FAF1: variants seen among roughly 807,000 people sequenced by gnomAD.
The protein encoded by FAF1 is Fas associated factor 1.
In FAF1, 25 loss-of-function variants were observed where a neutral mutation model predicts 92.5. The observed-to-expected ratio is 0.27, with a 90% CI of 0.20 to 0.38. The LOEUF is 0.38. FAF1 is among the 10% of genes least tolerant of loss of function. FAF1 has a pLI of 1.00. For missense variants in FAF1, 636 were observed against 793.3 expected (o/e 0.80, Z 2.38); for synonymous variants, 234 against 273.2 (o/e 0.86, Z 1.42).
At chr1:50,444,594 C>T (rs1572745267) in intron 18 of FAF1, among the ~76,000 whole-genome samples, 1 of 152,328 alleles carries the variant, frequency 6.6e-6, no homozygotes, top group Non-Finnish European at 1.5e-5. Flanking sequence ...CTTCTCTTAT[C>T]TTTCTCCCTC....
chr1:50,861,354 G>C (rs1339245365), intron 1 of FAF1, among the ~76,000 whole-genome samples: 2 of 151,820 alleles, frequency 1.3e-5, no homozygotes, highest in Non-Finnish European at 2.9e-5. Context: ...AGGTAACTAG[G>C]ACTAGATGAG....
intron 1 of FAF1, among the ~76,000 whole-genome samples, chr1:50,897,092 T>A (rs965287386): frequency 1.3e-5 from 2 of 152,168 alleles, no homozygotes; most frequent in African/African-American, 4.8e-5. Context: ...TACATGGGTA[T>A]AAATCTAATA....
chr1:50,959,858 G>C lies in FAF1; in HGVS notation c.-47C>G. The C allele has an allele frequency of 3.4e-6, 5 of 1,462,810 alleles. No homozygotes were observed. The highest frequency in any genetic ancestry group is 4.6e-6 in the Non-Finnish European group (5 of 1,087,512). 90.6% of individuals were successfully genotyped at this position (1,462,810 alleles called of 1,614,324 possible). ...CTCCGGGAGCGAAGCGCGCACCTGG[G>C]AGGCAGACGGCACCTCCTGCGACCG... On this transcript the variant is annotated 5_prime_UTR_variant, in exon 1 of 19. Transcript: ENST00000396153.
At chr1:50,876,473 A>C (rs542657669) in intron 1 of FAF1, among the ~76,000 whole-genome samples, 1 of 152,342 alleles carries the variant, frequency 6.6e-6, no homozygotes, top group East Asian at 1.9e-4. Flanking sequence ...TCAAATGTAA[A>C]CACCACACAT....
In FAF1 at chr1:50,753,999, G is replaced by A. The variant is rs1354662436; in HGVS notation, c.368-9224C>T. Among the ~76,000 whole-genome samples the A allele has an allele frequency of 1.3e-4, 20 of 151,932 alleles. No individual in the cohort carries two copies. The South Asian group carries it at 3.7e-3, about 28-fold the overall frequency. ...TCTCGATCTCCTGATCTCGTGATACGCCCACCTTGGCCTCCCAAACTGCTG... is the reference window on the plus strand; with the variant it reads ...TCTCGATCTCCTGATCTCGTGATACACCCACCTTGGCCTCCCAAACTGCTG... On this transcript the variant is annotated intron_variant, in intron 4 of 18. Coordinates refer to ENST00000396153, the MANE Select transcript of FAF1 (RefSeq NM_007051.3).
At chr1:50,580,757 C>T (rs1650952995) in intron 12 of FAF1, among the ~76,000 whole-genome samples, 1 of 152,150 alleles carries the variant, frequency 6.6e-6, no homozygotes, top group Non-Finnish European at 1.5e-5. Flanking sequence ...AGAATACTTT[C>T]TCTTTGCTTT....
At chr1:50,819,008 C>T (rs1200893695) in intron 2 of FAF1, among the ~76,000 whole-genome samples, 1 of 152,116 alleles carries the variant, frequency 6.6e-6, no homozygotes. Flanking sequence ...TGACCCATCA[C>T]ATAAGGTCAA....
chr1:50,841,330 A>C (rs1350432090), intron 2 of FAF1, among the ~76,000 whole-genome samples: 1 of 152,036 alleles, frequency 6.6e-6, no homozygotes, highest in East Asian at 1.9e-4. Context: ...AAAGAGTTTA[A>C]GAAAAATTGG....
chr1:50,941,181 C>T (rs1426085232), intron 1 of FAF1, among the ~76,000 whole-genome samples: 9 of 151,872 alleles, frequency 5.9e-5, no homozygotes, highest in South Asian at 2.1e-4. Flanking sequence ...TACAGGTGCG[C>T]GCTGCCACGC....
At chr1:50,741,602 AAGAG>A (rs1254408480) in intron 5 of FAF1, among the ~76,000 whole-genome samples, 1 of 152,266 alleles carries the variant, frequency 6.6e-6, no homozygotes, top group Admixed American at 6.5e-5. Context: ...TGCTCCAGAC[AAGAG>A]ATGCTCATGG....
intron 4 of FAF1, among the ~76,000 whole-genome samples, chr1:50,758,171 G>A (rs1455564810): frequency 6.6e-6 from 1 of 152,150 alleles, no homozygotes; most frequent in Non-Finnish European, 1.5e-5. Context: ...ACCCACCTTG[G>A]CCTCCCAAAG....
intron 15 of FAF1, among the ~76,000 whole-genome samples, chr1:50,527,165 T>A (rs953841459): frequency 2.0e-5 from 3 of 152,146 alleles, no homozygotes; most frequent in Non-Finnish European, 4.4e-5. Context: ...CCCTGATGAC[T>A]TTTTTGATTC....
intron 1 of FAF1, among the ~76,000 whole-genome samples, chr1:50,910,298 G>C (rs775406736): frequency 1.3e-5 from 2 of 152,218 alleles, no homozygotes; most frequent in Non-Finnish European, 2.9e-5. Context: ...CCCCTACTGG[G>C]AGGTGTCTCC....
At chr1:50,693,302 T>A (rs1472189892) in intron 7 of FAF1, among the ~76,000 whole-genome samples, 1 of 152,166 alleles carries the variant, frequency 6.6e-6, no homozygotes, top group Non-Finnish European at 1.5e-5. Context: ...CCCAGCACCA[T>A]ATGTTGAATT....
At chr1:50,542,667 A>G (rs1469441166) in intron 13 of FAF1, among the ~76,000 whole-genome samples, 1 of 152,184 alleles carries the variant, frequency 6.6e-6, no homozygotes, top group African/African-American at 2.4e-5. Flanking sequence ...TGCAATCTCA[A>G]ACCCAAAGTG....
intron 8 of FAF1, among the ~76,000 whole-genome samples, chr1:50,621,268 G>T (rs962155593): frequency 2.0e-5 from 3 of 152,158 alleles, no homozygotes; most frequent in African/African-American, 7.2e-5. Context: ...GCTGCAAAGG[G>T]GGTGCTGTGT....
chr1:50,757,593 C>T (rs538841452), intron 4 of FAF1, among the ~76,000 whole-genome samples: 13 of 152,210 alleles, frequency 8.5e-5, no homozygotes, highest in South Asian at 2.1e-4. Flanking sequence ...AATTTTCATA[C>T]ATATTTTCCA....
At chr1:50,709,057 G>A (rs1306261776) in intron 6 of FAF1, among the ~76,000 whole-genome samples, 1 of 152,226 alleles carries the variant, frequency 6.6e-6, no homozygotes, top group Non-Finnish European at 1.5e-5. Flanking sequence ...ACTTCCTGAG[G>A]TTTGAAGGCC....
chr1:50,557,206 C>G (rs555550785), intron 13 of FAF1, among the ~76,000 whole-genome samples: 4 of 152,136 alleles, frequency 2.6e-5, no homozygotes, highest in African/African-American at 9.7e-5. Context: ...TGGTGCTGAT[C>G]ATGTATTGAG....
Sources: gnomAD v4.1 joint callset for allele counts (sites outside exome capture counted in the v4.1 genomes callset) on GRCh38, gnomAD v4.1.1 for gene constraint, MANE v1.5 for transcripts, NCBI Gene and HGNC (gene_info 2026-07-23, HGNC 2026-07-21) for gene names.